FAHD2B: variants seen among roughly 807,000 people sequenced by gnomAD.
The protein encoded by FAHD2B is fumarylacetoacetate hydrolase domain containing 2B.
A neutral mutation model predicts 33.7 loss-of-function variants in FAHD2B; 26 were observed. The observed-to-expected ratio is 0.77, with a 90% CI of 0.57 to 1.07. The LOEUF (loss-of-function observed/expected upper bound fraction) is 1.07, where lower values mean the gene tolerates loss of function less well. FAHD2B is among the 50% of genes least tolerant of loss of function. The probability of loss-of-function intolerance (pLI) is 0.00; values close to 1 mark genes in which losing one functional copy is unlikely to be tolerated. For missense variants in FAHD2B, 272 were observed against 388.1 expected, an observed-to-expected ratio of 0.70 and a Z score of 2.51; for synonymous variants, 108 against 150.9, an observed-to-expected ratio of 0.72 and a Z score of 2.08.
In FAHD2B at chr2:97,085,862, C is replaced by T; in HGVS notation, c.523-1G>A. 1 of 1,613,792 alleles carries T rather than the reference C, an allele frequency of 6.2e-7. No individual in the cohort carries two copies. Among genetic ancestry groups the T allele is most frequent in the Non-Finnish European group, 8.5e-7 (1 of 1,179,834 alleles). ...CCACGTGGGCCATGGCATCTGTGGC[C>T]TATGGGGGCAGGGGATTTGGCCATA... On this transcript the variant is annotated splice_acceptor_variant, in intron 5 of 8. Transcript: ENST00000414820. LOFTEE classifies it high-confidence loss of function.
chr2:97,083,227 G>C (rs533561599), downstream of FAHD2B: 5 of 1,608,978 alleles, frequency 3.1e-6, no homozygotes, highest in East Asian at 2.2e-5. Flanking sequence ...GGAAAAACTA[G>C]AACAGTTCAT....
At chr2:97,082,086 CAA>C (rs2031664382), downstream of FAHD2B, 7 of 1,585,256 alleles carry the variant, frequency 4.4e-6, no homozygotes, top group Admixed American at 1.1e-4. Flanking sequence ...GTGATGACTT[CAA>C]AGAGACCGAG....
chr2:97,092,064 A>C, intron 1 of FAHD2B, 76 bp from the exon 2 acceptor site: 1 of 195,764 alleles, frequency 5.1e-6, no homozygotes, highest in East Asian at 1.2e-4. Context: ...GATGTTAACA[A>C]CTGACGTAAG....
Position 97,083,655 on chromosome 2 carries a change from C to G in FAHD2B, c.*100G>C, listed in dbSNP as rs991199821. Reference sequence around the variant, plus strand: ...CCTTCTACCGAGAAGAGGCGGCTTGCAGGGCTGGCACCTGCCCACACCTGC... The same window carrying G: ...CCTTCTACCGAGAAGAGGCGGCTTGGAGGGCTGGCACCTGCCCACACCTGC... On this transcript the variant is annotated 3_prime_UTR_variant, in exon 9 of 9. Coordinates refer to ENST00000414820, the MANE Select transcript of FAHD2B (RefSeq NM_001320848.2). The G allele has an allele frequency of 1.5e-5, 24 of 1,588,384 alleles. No homozygotes were observed. Among genetic ancestry groups the G allele is most frequent in the Non-Finnish European group, 2.1e-5 (24 of 1,162,896 alleles).
downstream of FAHD2B, chr2:97,080,979 C>T (rs2031621536): frequency 4.5e-6 from 4 of 883,162 alleles, no homozygotes; most frequent in Non-Finnish European, 6.2e-6. Flanking sequence ...GCTTAAGAAG[C>T]TTTGGGGGCT....
chr2:97,082,045 A>C, downstream of FAHD2B: 1 of 1,587,564 alleles, frequency 6.3e-7, no homozygotes, highest in East Asian at 2.3e-5. Flanking sequence ...GCTGCTGTGG[A>C]AACCGAGTGG....
At chr2:97,089,947 T>C (rs1250021067) in intron 4 of FAHD2B, 162 bp downstream of exon 4, 8 of 619,836 alleles carry the variant, frequency 1.3e-5, no homozygotes, top group Non-Finnish European at 2.3e-5. Context: ...GTACATTAAC[T>C]TTTTTTTTCC....
In FAHD2B at chr2:97,085,685, G is replaced by A. The variant is rs2031929151; in HGVS notation, c.685+14C>T. The A allele has an allele frequency of 6.2e-7, 1 of 1,613,556 alleles. No homozygotes were observed. Among genetic ancestry groups the A allele is most frequent in the Non-Finnish European group, 8.5e-7 (1 of 1,179,804 alleles). ...GCAATGGTAGGTACCAGGGGGCAGGGACCAGGGACCTACCTGCTACACTGT... is the reference window on the plus strand; with the variant it reads ...GCAATGGTAGGTACCAGGGGGCAGGAACCAGGGACCTACCTGCTACACTGT... On this transcript the variant is annotated intron_variant, in intron 6 of 8. Transcript: ENST00000414820.
intron 6 of FAHD2B, 56 bp from the exon 7 acceptor site, chr2:97,084,333 G>A (rs2031815455): frequency 2.5e-6 from 4 of 1,603,226 alleles, no homozygotes; most frequent in Non-Finnish European, 3.4e-6. Flanking sequence ...AAACCCCCCA[G>A]TGTTTTACAA....
chr2:97,087,298 G>A (rs377575110), intron 4 of FAHD2B, among the ~76,000 whole-genome samples: 6 of 152,060 alleles, frequency 3.9e-5, no homozygotes, highest in Non-Finnish European at 7.3e-5. Flanking sequence ...TGATCTGCCC[G>A]CTTTGGCCTC....
rs1196500909 is a variant in FAHD2B at position 97,092,461 on chromosome 2, T to C, written c.-132-473A>G. ...CAGCAAGGTCTAGGCCTGACAGCCA[T>C]CACTTGGTCATCTCCTCCCTGGATC... is the stretch of plus-strand genomic sequence containing the variant. On this transcript the variant is annotated intron_variant, in intron 1 of 8. Coordinates refer to ENST00000414820, the MANE Select transcript of FAHD2B (RefSeq NM_001320848.2). Among the ~76,000 whole-genome samples the C allele has an allele frequency of 3.3e-5, 5 of 152,072 alleles. No individual in the cohort carries two copies. In the East Asian group the frequency reaches 7.7e-4, roughly 23 times the overall value.
rs572970382 is a variant in FAHD2B at position 97,086,206 on chromosome 2, G to A, written c.463-8C>T. The A allele has an allele frequency of 6.2e-7, 1 of 1,610,978 alleles. No homozygotes were observed. The highest frequency in any genetic ancestry group is 8.5e-7 in the Non-Finnish European group (1 of 1,178,824). ...CACTTCCCAATCTACCTCCTGTAGGGTGGGAGAGGAATAGTGAGCCGCAGT... is the reference window on the plus strand; with the variant it reads ...CACTTCCCAATCTACCTCCTGTAGGATGGGAGAGGAATAGTGAGCCGCAGT... On this transcript the variant is annotated splice_polypyrimidine_tract_variant and splice_region_variant and intron_variant, in intron 4 of 8. Transcript: ENST00000414820.
Position 97,083,719 on chromosome 2 carries a change from A to G in FAHD2B, c.*36T>C, listed in dbSNP as rs1454997458. On this transcript the variant is annotated 3_prime_UTR_variant, in exon 9 of 9. Coordinates refer to ENST00000414820, the MANE Select transcript of FAHD2B (RefSeq NM_001320848.2). ...CCTGGGCTAGGCTGAGTGGGAGCAG[A>G]TGCCCTCATCCTATGTCGGGCCTGT... 6.2e-7 allele frequency: 1 copy of G among 1,614,006 alleles called. No homozygotes were observed. Among genetic ancestry groups the G allele is most frequent in the East Asian group, 2.2e-5 (1 of 44,874 alleles).
chr2:97,086,103 G>C, intron 5 of FAHD2B, 36 bp downstream of exon 5: 1 of 1,610,128 alleles, frequency 6.2e-7, no homozygotes, highest in Non-Finnish European at 8.5e-7. Flanking sequence ...GGCCTCTGCT[G>C]CACTCTGGCC....
At chr2:97,078,915 AC>A (rs1382584616), downstream of FAHD2B, among the ~76,000 whole-genome samples, 10 of 151,294 alleles carry the variant, frequency 6.6e-5, no homozygotes, top group Admixed American at 6.6e-4. Context: ...CTCCCTCCTC[AC>A]CCTCCATCCT....
chr2:97,081,495 G>C (rs1420573538), downstream of FAHD2B: 1 of 1,579,688 alleles, frequency 6.3e-7, no homozygotes, highest in Non-Finnish European at 8.6e-7. Context: ...CATCCAATGC[G>C]GGCTCCTGGT....
chr2:97,090,554 C>T (rs1171237952), intron 3 of FAHD2B, among the ~76,000 whole-genome samples: 2 of 152,096 alleles, frequency 1.3e-5, no homozygotes, highest in Non-Finnish European at 2.9e-5. Context: ...TAACTCATGT[C>T]CATGTAAAAG....
downstream of FAHD2B, chr2:97,082,211 C>T: frequency 1.3e-6 from 2 of 1,533,164 alleles, no homozygotes; most frequent in Non-Finnish European, 1.8e-6. Flanking sequence ...CCAGCAGTCA[C>T]ACTGCCCAGA....
rs572489964 is a variant in FAHD2B at position 97,090,082 on chromosome 2, T to G, written c.462+27A>C. 2.3e-4 allele frequency: 329 copies of G among 1,429,118 alleles called. 2 individuals are homozygous for G. The East Asian group carries it at 7.3e-3, about 32-fold the overall frequency. 88.5% of individuals were successfully genotyped at this position (1,429,118 alleles called of 1,614,324 possible). A position where few individuals can be genotyped will look rare whatever the true frequency, so the allele number is the denominator to read the frequency against. On this transcript the variant is annotated intron_variant, in intron 4 of 8. Coordinates refer to ENST00000414820, the MANE Select transcript of FAHD2B (RefSeq NM_001320848.2). ...ATGCCCTTGTGATGGGCCCAGTGAC[T>G]AGGGAGGGCAGTGGGGAGGCACTGA...
Sources: allele counts gnomAD v4.1 joint callset (sites outside exome capture counted in the v4.1 genomes callset), GRCh38; gene constraint gnomAD v4.1.1; transcripts MANE v1.5; gene names NCBI Gene and HGNC (gene_info 2026-07-23, HGNC 2026-07-21).